Variants in DIAPH2 observed in about 807,000 individuals in gnomAD.
DIAPH2 encodes the protein diaphanous related formin 2.
DIAPH2 carries 35 observed loss-of-function variants against 92.7 expected under a neutral mutation model. The ratio of observed to expected loss-of-function variants is 0.38; its 90% confidence interval spans 0.29 to 0.50. The LOEUF is 0.50. DIAPH2 is among the 20% of genes least tolerant of loss of function. The pLI, the probability that DIAPH2 is intolerant of heterozygous loss-of-function variation, is 0.94. For missense variants in DIAPH2, 701 were observed against 819.5 expected (o/e 0.86, Z 1.77); for synonymous variants, 301 against 280.4 (o/e 1.07, Z -0.73).
intron 26 of DIAPH2, among the ~76,000 whole-genome samples, chrX:97,554,156 T>G (rs908541324): frequency 1.8e-5 from 2 of 111,618 alleles, no homozygotes; most frequent in Non-Finnish European, 3.8e-5. Flanking sequence ...AACAGCAAAG[T>G]CAGCCAGAGA....
At chrX:97,469,304 A>G (rs766367963) in intron 26 of DIAPH2, among the ~76,000 whole-genome samples, 36 of 112,141 alleles carry the variant, frequency 3.2e-4, no homozygotes, top group Middle Eastern at 4.6e-3. Context: ...ACATTCATGA[A>G]TATGTATTCA....
chrX:97,003,969 G>A (rs73543197), intron 17 of DIAPH2, among the ~76,000 whole-genome samples: 2,875 of 111,405 alleles, frequency 0.026, 82 homozygotes, highest in African/African-American at 0.089. Context: ...TTTATATATA[G>A]TGAGAGATAG....
At chrX:96,694,010 G>A (rs2063811793) in intron 1 of DIAPH2, among the ~76,000 whole-genome samples, 1 of 112,473 alleles carries the variant, frequency 8.9e-6, no homozygotes, top group South Asian at 3.7e-4. Flanking sequence ...ACTCTAGCAT[G>A]GGCAACAAGA....
chrX:96,849,306 C>T (rs935685362), intron 4 of DIAPH2, among the ~76,000 whole-genome samples: 4 of 111,496 alleles, frequency 3.6e-5, no homozygotes, highest in African/African-American at 6.5e-5. Context: ...GCTGGGATTA[C>T]AGGCATGTGC....
chrX:97,305,309 A>G (rs748257017), intron 23 of DIAPH2, among the ~76,000 whole-genome samples: 1 of 110,252 alleles, frequency 9.1e-6, no homozygotes, highest in Non-Finnish European at 1.9e-5. Flanking sequence ...CCTGGTCAAC[A>G]TGGTGAAACT....
At position 96,912,959 on chromosome X, in the gene DIAPH2, AT is replaced by A. The variant is rs767191334; in HGVS notation, c.732+420del. Among the ~76,000 whole-genome samples, 750 of 103,723 alleles carry A rather than the reference AT, an allele frequency of 7.2e-3. 3 individuals are homozygous for A. Among genetic ancestry groups the A allele is most frequent in the African/African-American group, 0.014 (403 of 28,929 alleles). The allele number at this position is 103,723 out of a possible 115,157, so 90.1% of individuals were successfully genotyped here. ...ATGTGAGCTATTGTTAGTTTTCTCG[AT>A]TTTTTTTTTTTTATTTCTATGCTGA... On this transcript the variant is annotated intron_variant, in intron 7 of 26. Coordinates refer to ENST00000324765, the MANE Select transcript of DIAPH2 (RefSeq NM_006729.5).
chrX:97,040,416 G>C (rs1264434951), intron 17 of DIAPH2, among the ~76,000 whole-genome samples: 1 of 110,634 alleles, frequency 9.0e-6, no homozygotes, highest in Non-Finnish European at 1.9e-5. Flanking sequence ...AAGCCTGCTT[G>C]TGGGTGGTTT....
At chrX:97,367,149 A>T (rs776135258) in intron 24 of DIAPH2, among the ~76,000 whole-genome samples, 4 of 111,996 alleles carry the variant, frequency 3.6e-5, no homozygotes, top group African/African-American at 1.3e-4. Flanking sequence ...ACTTAAGCAG[A>T]AGATTCATGA....
intron 1 of DIAPH2, among the ~76,000 whole-genome samples, chrX:96,705,420 C>A (rs1171208738): frequency 8.9e-6 from 1 of 111,859 alleles, no homozygotes; most frequent in Non-Finnish European, 1.9e-5. Context: ...AATATATCAG[C>A]AGGAAATTTG....
At chrX:97,224,537 A>G (rs1471884425) in intron 22 of DIAPH2, among the ~76,000 whole-genome samples, 5 of 112,185 alleles carry the variant, frequency 4.5e-5, no homozygotes, top group Non-Finnish European at 3.8e-5. Context: ...GTGTGTGTTC[A>G]TGAATGCAGT....
At chrX:96,805,949 C>T (rs930781042) in intron 4 of DIAPH2, among the ~76,000 whole-genome samples, 1 of 111,981 alleles carries the variant, frequency 8.9e-6, no homozygotes, top group African/African-American at 3.2e-5. Context: ...TTAGGGTAGC[C>T]CATAAATCAC....
intron 22 of DIAPH2, among the ~76,000 whole-genome samples, chrX:97,201,598 G>T (rs982537745): frequency 1.8e-5 from 2 of 108,473 alleles, no homozygotes; most frequent in Non-Finnish European, 3.8e-5. Context: ...CTGAAATTAG[G>T]TGTGCAGACA....
chrX:97,391,652 G>A (rs1046734480), intron 25 of DIAPH2, among the ~76,000 whole-genome samples: 4 of 110,582 alleles, frequency 3.6e-5, no homozygotes, highest in Middle Eastern at 4.7e-3. Context: ...ATGTAGCAAA[G>A]GACAAACACT....
intron 4 of DIAPH2, among the ~76,000 whole-genome samples, chrX:96,848,498 TC>T (rs1370798666): frequency 8.9e-6 from 1 of 112,554 alleles, no homozygotes; most frequent in East Asian, 2.8e-4. Flanking sequence ...GTTTGTTTCT[TC>T]CCTTACTAAT....
chrX:97,512,056 A>G (rs1211809869), intron 26 of DIAPH2, among the ~76,000 whole-genome samples: 1 of 113,207 alleles, frequency 8.8e-6, no homozygotes, highest in African/African-American at 3.3e-5. Flanking sequence ...CTCTTTTTCT[A>G]TTGATTGGAA....
At chrX:97,509,043 A>ATTTATTTATTTATTTT (rs2070859930) in intron 26 of DIAPH2, among the ~76,000 whole-genome samples, 8 of 100,902 alleles carry the variant, frequency 7.9e-5, no homozygotes, top group Non-Finnish European at 1.6e-4. Flanking sequence ...TTATTTATTT[A>ATTTATTTATTTATTTT]TTTATTTATT....
chrX:97,267,137 C>T (rs757878276), intron 23 of DIAPH2, among the ~76,000 whole-genome samples: 2 of 111,746 alleles, frequency 1.8e-5, no homozygotes, highest in Non-Finnish European at 3.8e-5. Context: ...GCCACTTGGA[C>T]TGTACATAGA....
At chrX:97,112,980 A>G (rs1259192871) in intron 20 of DIAPH2, among the ~76,000 whole-genome samples, 2 of 107,910 alleles carry the variant, frequency 1.9e-5, no homozygotes, top group Non-Finnish European at 3.8e-5. Flanking sequence ...GGGTTTCGCC[A>G]CGTTGGCCAG....
chrX:97,468,246 C>T (rs959194772), intron 26 of DIAPH2, among the ~76,000 whole-genome samples: 2 of 111,466 alleles, frequency 1.8e-5, no homozygotes, highest in Admixed American at 1.9e-4. Context: ...CCTATGAGCA[C>T]GGCTGCTGCT....
Sources: gnomAD v4.1 joint callset for allele counts (sites outside exome capture counted in the v4.1 genomes callset) on GRCh38, gnomAD v4.1.1 for gene constraint, MANE v1.5 for transcripts, NCBI Gene and HGNC (gene_info 2026-07-23, HGNC 2026-07-21) for gene names.